The following VPS53 variants were observed in gnomAD, a reference collection of about 807,000 sequenced individuals.
VPS53 encodes vacuolar protein sorting-associated protein 53 homolog.
A neutral mutation model predicts 107.0 loss-of-function variants in VPS53; 70 were observed. That is an observed-to-expected ratio of 0.65 (90% CI 0.54 to 0.80). The LOEUF (loss-of-function observed/expected upper bound fraction) is 0.80. VPS53 is among the 30% of genes least tolerant of loss of function. The pLI is 0.00. For synonymous variants in VPS53, 409 were observed against 393.3 expected, an observed-to-expected ratio of 1.04 and a Z score of -0.47; for missense variants, 917 against 1,049.4, an observed-to-expected ratio of 0.87 and a Z score of 1.74.
chr17:585,729 T>C (rs1369430141), intron 13 of VPS53, among the ~76,000 whole-genome samples: 1 of 152,052 alleles, frequency 6.6e-6, no homozygotes, highest in Non-Finnish European at 1.5e-5. Context: ...GACAACGAAA[T>C]GCATGATTAT....
chr17:712,101 C>CTA (rs1973663839), intron 1 of VPS53, among the ~76,000 whole-genome samples: 1 of 150,956 alleles, frequency 6.6e-6, no homozygotes, highest in Non-Finnish European at 1.5e-5. Context: ...CAGGCGTGAG[C>CTA]CTCCACACCC....
At chr17:604,177 T>C (rs1030927932) in intron 11 of VPS53, among the ~76,000 whole-genome samples, 2 of 152,148 alleles carry the variant, frequency 1.3e-5, no homozygotes, top group Admixed American at 6.5e-5. Context: ...TAATGTGTTA[T>C]TGGAAATCAT....
intron 1 of VPS53, 64 bp downstream of exon 1, chr17:714,559 C>A (rs997395903): frequency 1.3e-6 from 2 of 1,489,736 alleles, no homozygotes; most frequent in African/African-American, 1.4e-5. Context: ...GCCTCCCCAG[C>A]GCCCGGAGCT....
At chr17:546,331 A>ACT (rs1567613395) in intron 17 of VPS53, among the ~76,000 whole-genome samples, 2 of 69,292 alleles carry the variant, frequency 2.9e-5, no homozygotes, top group Non-Finnish European at 6.3e-5. Context: ...TAGATATCTC[A>ACT]CACACACACA....
chr17:601,696 ACG>A, intron 12 of VPS53, 97 bp downstream of exon 12: 1 of 865,752 alleles, frequency 1.2e-6, no homozygotes, highest in Non-Finnish European at 1.8e-6. Context: ...TCATCTCTGA[ACG>A]TGGCCAAGAG....
At chr17:698,854 C>T (rs1196680402) in intron 3 of VPS53, among the ~76,000 whole-genome samples, 1 of 152,130 alleles carries the variant, frequency 6.6e-6, no homozygotes, top group Non-Finnish European at 1.5e-5. Flanking sequence ...GAGTTCCTTG[C>T]CACAAAGTTC....
chr17:626,830 T>C (rs1969731215), intron 10 of VPS53, among the ~76,000 whole-genome samples: 1 of 152,040 alleles, frequency 6.6e-6, no homozygotes, highest in South Asian at 2.1e-4. Flanking sequence ...AAAATAAAAA[T>C]GATGATGGGA....
chr17:519,784 G>T lies in VPS53; in HGVS notation c.2328+42C>A, dbSNP rs1249526414. ...TTCCCGGTTAAGAACCGCTGAGTGT[G>T]AGGGGGATGAGCAGGTGTGGACCAA... On this transcript the variant is annotated intron_variant, in intron 21 of 21. Transcript: ENST00000437048. This position sits in a 1 kb window ranked among gnomAD's most constrained non-coding sequence, Gnocchi z 5.0. The T allele has an allele frequency of 2.9e-6, 4 of 1,390,300 alleles. No homozygotes were observed. The highest frequency in any genetic ancestry group is 2.9e-5 in the African/African-American group (2 of 69,806). The allele number at this position is 1,390,300 out of a possible 1,614,324, so 86.1% of individuals were successfully genotyped here.
At chr17:527,314 C>A (rs537326035) in intron 19 of VPS53, among the ~76,000 whole-genome samples, 1 of 152,296 alleles carries the variant, frequency 6.6e-6, no homozygotes, top group East Asian at 1.9e-4. Context: ...TAGCTAGTTG[C>A]CTGCTTCATA....
intron 10 of VPS53, among the ~76,000 whole-genome samples, chr17:625,618 G>T (rs978807419): frequency 1.3e-5 from 2 of 152,176 alleles, no homozygotes; most frequent in Non-Finnish European, 2.9e-5. Context: ...CTGGCGGAAG[G>T]TGCCGACCAT....
At chr17:667,910 C>T (rs1018137377) in intron 4 of VPS53, among the ~76,000 whole-genome samples, 125 of 152,146 alleles carry the variant, frequency 8.2e-4, no homozygotes, top group African/African-American at 2.7e-3. Context: ...ACTGCACACG[C>T]GAGGGATCTA....
At chr17:667,767 G>A (rs979215477) in intron 4 of VPS53, among the ~76,000 whole-genome samples, 5 of 152,110 alleles carry the variant, frequency 3.3e-5, no homozygotes, top group African/African-American at 9.7e-5. Flanking sequence ...GCACCAGTCC[G>A]TGGCCTGTTG....
chr17:540,799 G>A (rs1008603128), intron 17 of VPS53, among the ~76,000 whole-genome samples: 1 of 152,072 alleles, frequency 6.6e-6, no homozygotes, highest in African/African-American at 2.4e-5. Context: ...ACCACAAGAA[G>A]AGACTGCAGG....
rs997360333 is a variant in VPS53 at position 520,374 on chromosome 17, C to T, written c.2224-444G>A. 1.3e-5 allele frequency among the ~76,000 whole-genome samples: 2 copies of T among 152,134 alleles called. No homozygotes were observed. The highest frequency in any genetic ancestry group is 2.9e-5 in the Non-Finnish European group (2 of 68,026). ...ATTTCACCAGTACACGGTACTTGCT[C>T]CTTCTGCCTTGACGTACTATGATTC... On this transcript the variant is annotated intron_variant, in intron 20 of 21. Transcript: ENST00000437048. This position sits in a 1 kb window ranked among gnomAD's most constrained non-coding sequence, Gnocchi z 4.4.
At chr17:681,074 G>GT (rs1972375008) in intron 4 of VPS53, among the ~76,000 whole-genome samples, 1 of 152,112 alleles carries the variant, frequency 6.6e-6, no homozygotes, top group African/African-American at 2.4e-5. Context: ...TAAATTACAT[G>GT]TTTTTTGAAA....
chr17:597,719 T>G (rs1359112140), intron 12 of VPS53, among the ~76,000 whole-genome samples: 2 of 151,824 alleles, frequency 1.3e-5, no homozygotes, highest in African/African-American at 4.8e-5. Flanking sequence ...ATTTTGTATT[T>G]TTAGTATGGT....
At chr17:602,122 C>T (rs1208257809) in intron 11 of VPS53, among the ~76,000 whole-genome samples, 7 of 152,196 alleles carry the variant, frequency 4.6e-5, no homozygotes, top group African/African-American at 1.2e-4. Context: ...CTGGCTAAAA[C>T]GCTCACGCAT....
intron 11 of VPS53, among the ~76,000 whole-genome samples, chr17:607,549 G>T (rs953581782): frequency 1.3e-5 from 2 of 152,198 alleles, no homozygotes; most frequent in Admixed American, 1.3e-4. Context: ...GAGCCACACA[G>T]ATCACGCTTC....
At chr17:593,793 GCAATCCCAT>G in intron 12 of VPS53, among the ~76,000 whole-genome samples, 1 of 152,150 alleles carries the variant, frequency 6.6e-6, no homozygotes, top group Non-Finnish European at 1.5e-5. Context: ...ATTTGACCCA[GCAATCCCAT>G]TACTGGGTAT....
Sources: gnomAD v4.1 joint callset for allele counts (sites outside exome capture counted in the v4.1 genomes callset) on GRCh38, gnomAD v4.1.1 for gene constraint, Gnocchi (gnomAD v3.1) non-coding constraint, MANE v1.5 for transcripts, NCBI Gene and HGNC (gene_info 2026-07-23, HGNC 2026-07-21) for gene names.